The following HECTD2 variants were observed in gnomAD, a reference collection of about 807,000 sequenced individuals.
The protein encoded by HECTD2 is HECT domain E3 ubiquitin protein ligase 2.
Under a neutral mutation model 103.2 loss-of-function variants are expected in HECTD2, and 35 were observed. The observed-to-expected ratio is 0.34, with a 90% CI of 0.26 to 0.45. HECTD2 has a LOEUF of 0.45. HECTD2 is among the 20% of genes least tolerant of loss of function. The probability of loss-of-function intolerance (pLI) is 1.00; values close to 1 mark genes in which losing one functional copy is unlikely to be tolerated. For missense variants in HECTD2, 596 were observed against 937.4 expected, an observed-to-expected ratio of 0.64 and a Z score of 4.76; for synonymous variants, 281 against 329.9, an observed-to-expected ratio of 0.85 and a Z score of 1.61.
rs1246508271 is a variant in HECTD2 at position 91,410,421 on chromosome 10, C to A, written c.-18C>A. On this transcript the variant is annotated 5_prime_UTR_variant, in exon 1 of 21. Transcript: ENST00000298068. ...GAGGCCGCCGCCGCCGCCTGGCGCT[C>A]CCGCCGCCCGGCCCGACATGAGTGA... 4 of 1,372,266 alleles carry A rather than the reference C, an allele frequency of 2.9e-6. No individual in the cohort carries two copies. In the South Asian group the frequency reaches 6.6e-5, roughly 23 times the overall value. The allele number at this position is 1,372,266 out of a possible 1,614,324, so 85.0% of individuals were successfully genotyped here. A position where few individuals can be genotyped will look rare whatever the true frequency, so the allele number is the denominator to read the frequency against.
At chr10:91,454,067 A>T (rs1347298077) in intron 2 of HECTD2, among the ~76,000 whole-genome samples, 3 of 152,126 alleles carry the variant, frequency 2.0e-5, no homozygotes, top group African/African-American at 7.2e-5. Context: ...CCAGAAACAA[A>T]AAAATCCACA....
intron 2 of HECTD2, among the ~76,000 whole-genome samples, chr10:91,434,854 T>C (rs898026384): frequency 2.0e-5 from 3 of 152,044 alleles, no homozygotes; most frequent in African/African-American, 4.8e-5. Context: ...TTTTCTCATC[T>C]GTAAAACTGG....
At chr10:91,509,290 TAAA>T (rs531118026) in intron 20 of HECTD2, among the ~76,000 whole-genome samples, 304 of 149,342 alleles carry the variant, frequency 2.0e-3, no homozygotes, top group African/African-American at 6.8e-3. Flanking sequence ...AAAATAAATT[TAAA>T]AAAAAAATCA....
intron 13 of HECTD2, 102 bp downstream of exon 13, chr10:91,492,586 T>C: frequency 1.1e-6 from 1 of 899,700 alleles, no homozygotes; most frequent in Non-Finnish European, 1.7e-6. Flanking sequence ...TACAGACTTT[T>C]TGTCCATCGT....
intron 20 of HECTD2, 103 bp from the exon 21 acceptor site, chr10:91,512,161 A>G: frequency 8.1e-7 from 1 of 1,235,424 alleles, no homozygotes; most frequent in Non-Finnish European, 1.1e-6. Context: ...TAACAGAGTG[A>G]AATAGATTTG....
chr10:91,500,680 A>G (rs1846865801), intron 19 of HECTD2, 63 bp downstream of exon 19: 1 of 773,482 alleles, frequency 1.3e-6, no homozygotes, highest in South Asian at 1.6e-5. Context: ...AGTGTGGTTC[A>G]TTTATTTGCA....
chr10:91,474,039 C>T (rs1845822701), intron 5 of HECTD2, among the ~76,000 whole-genome samples: 1 of 152,062 alleles, frequency 6.6e-6, no homozygotes, highest in African/African-American at 2.4e-5. Context: ...AGAATAACAA[C>T]ACATAAGTAG....
In HECTD2 at chr10:91,425,609, G is replaced by A. The variant is rs772160976; in HGVS notation, c.268+199G>A. 5.3e-5 allele frequency among the ~76,000 whole-genome samples: 8 copies of A among 151,160 alleles called. No individual in the cohort carries two copies. In the South Asian group the frequency reaches 8.3e-4, roughly 16 times the overall value. On this transcript the variant is annotated intron_variant, in intron 2 of 20. Coordinates refer to ENST00000298068, the MANE Select transcript of HECTD2 (RefSeq NM_182765.6). ...AGTAAGAGAATGAAATACAAAACTC[G>A]TGAATAATAAGCAAATTTGATTAAA...
At chr10:91,497,301 T>C (rs866200679) in intron 15 of HECTD2, among the ~76,000 whole-genome samples, 2 of 127,830 alleles carry the variant, frequency 1.6e-5, no homozygotes, top group Middle Eastern at 3.8e-3. Flanking sequence ...TTTTTTTTTT[T>C]TTTCTGCCCA....
In HECTD2 at chr10:91,484,601, A is replaced by G. The variant is rs867966777; in HGVS notation, c.916A>G (p.Ile306Val). The change falls in exon 9 of 21, where the codon ATA becomes GTA. Residue 306 changes from isoleucine to valine, a missense_variant. Ile to Val is a conservative substitution (Grantham distance 29). Coordinates refer to ENST00000298068, the MANE Select transcript of HECTD2 (RefSeq NM_182765.6). ...FPAKPEEFPP[I>V]TKCSWWIPSA... is the part of the protein sequence containing the mutation. Reference sequence around the variant, plus strand: ...TGCAAAGCCTGAAGAATTTCCACCTATAACAAAGTGTTCCTGGTGGATTCC... The same window carrying G: ...TGCAAAGCCTGAAGAATTTCCACCTGTAACAAAGTGTTCCTGGTGGATTCC... The G allele has an allele frequency of 4.3e-6, 7 of 1,612,116 alleles. No homozygotes were observed. The highest frequency in any genetic ancestry group is 2.7e-5 in the African/African-American group (2 of 74,842).
intron 1 of HECTD2, among the ~76,000 whole-genome samples, chr10:91,416,933 T>C (rs570588628): frequency 6.6e-6 from 1 of 152,336 alleles, no homozygotes; most frequent in African/African-American, 2.4e-5. Context: ...TCTCAGTTCA[T>C]ATTAATTTCT....
At chr10:91,443,602 G>A (rs374216853) in intron 2 of HECTD2, among the ~76,000 whole-genome samples, 1 of 152,312 alleles carries the variant, frequency 6.6e-6, no homozygotes, top group East Asian at 1.9e-4. Flanking sequence ...AGCAGAGCTT[G>A]AGCGCTGTGC....
chr10:91,499,022 G>A, intron 17 of HECTD2, 22 bp from the exon 18 acceptor site: 1 of 1,561,828 alleles, frequency 6.4e-7, no homozygotes, highest in Non-Finnish European at 8.8e-7. Flanking sequence ...TACTATTTAA[G>A]AGATGTAAAA....
chr10:91,491,387 T>C, intron 12 of HECTD2, 80 bp downstream of exon 12: 1 of 667,936 alleles, frequency 1.5e-6, no homozygotes, highest in Non-Finnish European at 2.5e-6. Context: ...AGTAAACTTT[T>C]TTATTTCTGT....
chr10:91,487,280 C>T lies in HECTD2; in HGVS notation c.1095-402C>T, dbSNP rs1400881681. The stretch of plus-strand genomic sequence containing the variant: ...TTTCTGGAACTCACACATCAGAAGT[C>T]ACCATATAATGATGGATTCTTATAT... On this transcript the variant is annotated intron_variant, in intron 10 of 20. Coordinates refer to ENST00000298068, the MANE Select transcript of HECTD2 (RefSeq NM_182765.6). This position sits in a 1 kb window ranked among gnomAD's most constrained non-coding sequence, Gnocchi z 4.1. 8 of 202,274 alleles carry T rather than the reference C, an allele frequency of 4.0e-5. No homozygotes were observed. Among genetic ancestry groups the T allele is most frequent in the Non-Finnish European group, 7.2e-5 (7 of 96,922 alleles). 12.5% of individuals were successfully genotyped at this position (202,274 alleles called of 1,614,324 possible). A position where few individuals can be genotyped will look rare whatever the true frequency, so the allele number is the denominator to read the frequency against.
chr10:91,481,917 AG>A (rs900134122), intron 7 of HECTD2, among the ~76,000 whole-genome samples: 6 of 151,862 alleles, frequency 4.0e-5, no homozygotes, highest in African/African-American at 1.4e-4. Context: ...GAACATATAC[AG>A]GGTAGGGATA....
chr10:91,468,261 C>A (rs570839281), intron 5 of HECTD2, among the ~76,000 whole-genome samples: 1 of 152,298 alleles, frequency 6.6e-6, no homozygotes, highest in Non-Finnish European at 1.5e-5. Flanking sequence ...CCAGCACCCC[C>A]CAGAGTTAGA....
chr10:91,432,847 T>G lies in HECTD2; in HGVS notation c.268+7437T>G, dbSNP rs554684422. 1.1e-4 allele frequency among the ~76,000 whole-genome samples: 16 copies of G among 152,066 alleles called. No individual in the cohort carries two copies. The South Asian group carries it at 1.2e-3, about 12-fold the overall frequency. On this transcript the variant is annotated intron_variant, in intron 2 of 20. Transcript: ENST00000298068. ...CCCTAGAGAAAAGCATACTGTGATC[T>G]TTGTCACCCTGAAATAGCCAGGGAA...
intron 2 of HECTD2, among the ~76,000 whole-genome samples, chr10:91,444,304 T>G (rs974477424): frequency 6.6e-6 from 1 of 152,126 alleles, no homozygotes; most frequent in Non-Finnish European, 1.5e-5. Flanking sequence ...AAGAGTGAAA[T>G]TTGAATTAGT....
Sources: allele counts gnomAD v4.1 joint callset (sites outside exome capture counted in the v4.1 genomes callset), GRCh38; gene constraint gnomAD v4.1.1; non-coding constraint Gnocchi (gnomAD v3.1); transcripts MANE v1.5; gene names NCBI Gene and HGNC (gene_info 2026-07-23, HGNC 2026-07-21).